RGSL1: variants seen among roughly 807,000 people sequenced by gnomAD.
The protein encoded by RGSL1 is regulator of G protein signaling protein-like.
RGSL1 carries 97 observed loss-of-function variants against 124.7 expected under a neutral mutation model. The ratio of observed to expected loss-of-function variants is 0.78; its 90% CI spans 0.66 to 0.92. RGSL1 has a LOEUF of 0.92. Among genes scored for constraint, RGSL1 ranks in the 40% least tolerant of loss-of-function variants. RGSL1 has a pLI of 0.00. For missense variants in RGSL1, 1,233 were observed against 1,288.4 expected (o/e 0.96, Z 0.66); for synonymous variants, 424 against 438.1 (o/e 0.97, Z 0.40).
At chr1:182,484,062 T>C (rs1003441431) in intron 6 of RGSL1, among the ~76,000 whole-genome samples, 28 of 152,088 alleles carry the variant, frequency 1.8e-4, no homozygotes, top group African/African-American at 6.8e-4. Context: ...TCCCAGACTC[T>C]GAAGCCAGGC....
intron 9 of RGSL1, among the ~76,000 whole-genome samples, chr1:182,519,718 A>G (rs1209638189): frequency 6.6e-6 from 1 of 151,888 alleles, no homozygotes; most frequent in Non-Finnish European, 1.5e-5. Flanking sequence ...CATTTTAAGT[A>G]TATTTCGTAT....
At chr1:182,545,272 G>A (rs1558422942) in intron 15 of RGSL1, among the ~76,000 whole-genome samples, 1 of 152,072 alleles carries the variant, frequency 6.6e-6, no homozygotes, top group Non-Finnish European at 1.5e-5. Flanking sequence ...TAGAAACAAA[G>A]AAAAAACTAA....
intron 6 of RGSL1, among the ~76,000 whole-genome samples, chr1:182,482,652 A>G (rs951660471): frequency 6.6e-6 from 1 of 152,218 alleles, no homozygotes; most frequent in Non-Finnish European, 1.5e-5. Flanking sequence ...GGATGCCCAA[A>G]TTTACATTCC....
In RGSL1 at chr1:182,558,670, C is replaced by A. The variant is rs151155637; in HGVS notation, c.*166-1609C>A. 6.1e-3 allele frequency among the ~76,000 whole-genome samples: 927 copies of A among 152,262 alleles called. 12 individuals are homozygous for A. The highest frequency in any genetic ancestry group is 0.021 in the African/African-American group (873 of 41,548). ...CCACCTGCATTCCTTGGCTCATGGC[C>A]TTCTTCCTCTGTCTTTAAATCCAGC... On this transcript the variant is annotated intron_variant, in intron 21 of 21. Coordinates refer to ENST00000294854, the MANE Select transcript of RGSL1 (RefSeq NM_001137669.2).
At chr1:182,500,752 A>T (rs1001070926) in intron 9 of RGSL1, among the ~76,000 whole-genome samples, 1 of 152,168 alleles carries the variant, frequency 6.6e-6, no homozygotes, top group African/African-American at 2.4e-5. Flanking sequence ...TTCTGATGCT[A>T]TTGTAAGTGG....
chr1:182,527,460 T>G (rs2102257263), intron 10 of RGSL1, 119 bp from the exon 11 acceptor site: 1 of 794,122 alleles, frequency 1.3e-6, no homozygotes, highest in Admixed American at 3.0e-5. Flanking sequence ...CCACAATGCT[T>G]TTCACATATG....
chr1:182,531,045 G>A, intron 13 of RGSL1, 135 bp downstream of exon 13: 1 of 1,043,138 alleles, frequency 9.6e-7, no homozygotes, highest in Non-Finnish European at 1.4e-6. Context: ...ATTTAAGCAA[G>A]TCCCTCTCTT....
chr1:182,460,109 A>G lies in RGSL1; in HGVS notation c.277A>G (p.Ser93Gly), dbSNP rs1444167717. Residue 93 changes from serine to glycine, a missense_variant, in exon 4 of 22, where the codon AGT becomes GGT. Ser to Gly is a moderately conservative substitution (Grantham distance 56). Coordinates refer to ENST00000294854, the MANE Select transcript of RGSL1 (RefSeq NM_001137669.2). ...TTACATTCTCTGTCAGGAGTTCATCAGTTTCATTAAGTCCCCAGAAGGAGG... is the reference window on the plus strand; with the variant it reads ...TTACATTCTCTGTCAGGAGTTCATCGGTTTCATTAAGTCCCCAGAAGGAGG... Reference protein sequence around the residue: ...FHYILCQEFISFIKSPEGGEE... With the variant: ...FHYILCQEFIGFIKSPEGGEE... The G allele has an allele frequency of 2.6e-6, 4 of 1,551,138 alleles. No individual in the cohort carries two copies. Among genetic ancestry groups the G allele is most frequent in the Non-Finnish European group, 2.6e-6 (3 of 1,146,888 alleles).
chr1:182,498,462 A>G lies in RGSL1; in HGVS notation c.1825+5333A>G, dbSNP rs1656099774. ...TCATTGCTATTGGAGTGTCACTGCA[A>G]TCAGATCTTATTAGTGGTTCGAGCT... On this transcript the variant is annotated intron_variant, in intron 9 of 21. Coordinates refer to ENST00000294854, the MANE Select transcript of RGSL1 (RefSeq NM_001137669.2). Among the ~76,000 whole-genome samples the G allele has an allele frequency of 2.0e-5, 3 of 152,206 alleles. No homozygotes were observed. In the South Asian group the frequency reaches 6.2e-4, roughly 31 times the overall value.
rs1327737019 is a variant in RGSL1, at chr1:182,474,411, G to A, written c.1300G>A (p.Glu434Lys). ...FRHLLGDRIC[E>K]LYLNEQIGPC... ...TCACTTGCTGGGTGACAGAATCTGC[G>A]AGCTCTACCTGAATGAGCAGATTGG... is the stretch of plus-strand genomic sequence containing the variant. The change falls in exon 6 of 22, where the codon GAG becomes AAG. Residue 434 changes from glutamate to lysine, a missense_variant. Physicochemically the swap from Glu to Lys is moderately conservative, Grantham distance 56 (BLOSUM62 1). Transcript: ENST00000294854. The A allele has an allele frequency of 9.0e-6, 14 of 1,551,904 alleles. No homozygotes were observed. The Admixed American group carries it at 1.2e-4, about 13-fold the overall frequency.
intron 19 of RGSL1, 66 bp from the exon 20 acceptor site, chr1:182,554,561 A>T (rs1660751531): frequency 1.4e-6 from 2 of 1,396,866 alleles, no homozygotes; most frequent in Admixed American, 2.0e-5. Flanking sequence ...TCCAGGGTGG[A>T]GGCCTTTCAG....
intron 21 of RGSL1, among the ~76,000 whole-genome samples, chr1:182,556,775 A>G (rs1407220588): frequency 6.6e-6 from 1 of 152,128 alleles, no homozygotes; most frequent in Non-Finnish European, 1.5e-5. Context: ...CTAAAGCCCT[A>G]AACTATTGTC....
intron 21 of RGSL1, among the ~76,000 whole-genome samples, chr1:182,559,627 C>T (rs187994481): frequency 5.3e-4 from 81 of 152,294 alleles, no homozygotes; most frequent in East Asian, 3.7e-3. Context: ...CCCTCCTTCA[C>T]CTGGTTGGAA....
At chr1:182,482,784 A>T (rs1028965212) in intron 6 of RGSL1, among the ~76,000 whole-genome samples, 1 of 152,254 alleles carries the variant, frequency 6.6e-6, no homozygotes. Context: ...TATTCAAAGG[A>T]ATTAAAATCT....
rs184741908 is a variant in RGSL1 at position 182,559,860 on chromosome 1, A to G, written c.*166-419A>G. Among the ~76,000 whole-genome samples, 4 of 152,218 alleles carry G rather than the reference A, an allele frequency of 2.6e-5. No homozygotes were observed. The East Asian group carries it at 7.7e-4, about 29-fold the overall frequency. ...TTACTCTCTCCTCTTAGTTTCTGAG[A>G]CACATTTTTTCCTCTCCTTGAGATA... On this transcript the variant is annotated intron_variant, in intron 21 of 21. Transcript: ENST00000294854.
intron 9 of RGSL1, among the ~76,000 whole-genome samples, chr1:182,502,613 CT>C (rs1656481927): frequency 6.6e-6 from 1 of 152,086 alleles, no homozygotes; most frequent in African/African-American, 2.4e-5. Context: ...GCATGCTGTT[CT>C]TTATCTAGTT....
intron 21 of RGSL1, among the ~76,000 whole-genome samples, chr1:182,559,940 C>A (rs898482099): frequency 6.6e-6 from 1 of 152,188 alleles, no homozygotes; most frequent in Middle Eastern, 3.2e-3. Flanking sequence ...AGGGCAGAGA[C>A]CAAGTCCTAT....
chr1:182,523,272 C>A (rs1658492935), intron 10 of RGSL1, among the ~76,000 whole-genome samples: 1 of 149,998 alleles, frequency 6.7e-6, no homozygotes, highest in Non-Finnish European at 1.5e-5. Flanking sequence ...AACTCCTGGG[C>A]TCAAGTGATC....
At chr1:182,462,700 C>A (rs998984537) in intron 4 of RGSL1, among the ~76,000 whole-genome samples, 1 of 152,100 alleles carries the variant, frequency 6.6e-6, no homozygotes, top group African/African-American at 2.4e-5. Flanking sequence ...GTGACATCAA[C>A]AACCAAAAGA....
Sources: gnomAD v4.1 joint callset for allele counts (sites outside exome capture counted in the v4.1 genomes callset) on GRCh38, gnomAD v4.1.1 for gene constraint, MANE v1.5 for transcripts, NCBI Gene and HGNC (gene_info 2026-07-23, HGNC 2026-07-21) for gene names.